TOP6BL: variants seen among roughly 807,000 people sequenced by gnomAD.
TOP6BL encodes type 2 DNA topoisomerase 6 subunit B-like.
chr11:66,753,609 T>C, the TOP6BL span, among the ~76,000 whole-genome samples: 2 of 151,428 alleles, frequency 1.3e-5, no homozygotes, highest in Non-Finnish European at 2.9e-5. Flanking sequence ...GTTTTCACCG[T>C]GTTAGCCAGG....
chr11:66,842,130 G>C, the TOP6BL span, among the ~76,000 whole-genome samples: 1 of 152,094 alleles, frequency 6.6e-6, no homozygotes, highest in Admixed American at 6.5e-5. Flanking sequence ...TTGAGCCCAG[G>C]AGGTCGAGGC....
chr11:66,785,447 A>G, the TOP6BL span, among the ~76,000 whole-genome samples: 1 of 152,074 alleles, frequency 6.6e-6, no homozygotes, highest in African/African-American at 2.4e-5. Flanking sequence ...TATCGTTTTC[A>G]TGGTATTAAT....
the TOP6BL span, among the ~76,000 whole-genome samples, chr11:66,801,982 A>G: frequency 6.6e-6 from 1 of 152,144 alleles, no homozygotes; most frequent in African/African-American, 2.4e-5. Context: ...AAGACCTAAC[A>G]TATGCTTAAG....
the TOP6BL span, among the ~76,000 whole-genome samples, chr11:66,753,812 C>G: frequency 6.6e-6 from 1 of 152,156 alleles, no homozygotes; most frequent in East Asian, 1.9e-4. Flanking sequence ...TCAAGTGATT[C>G]TCCTGCCTCA....
At chr11:66,840,919 A>C in the TOP6BL span, among the ~76,000 whole-genome samples, 21 of 152,066 alleles carry the variant, frequency 1.4e-4, no homozygotes, top group South Asian at 1.5e-3. Context: ...CAAGACTCTC[A>C]AATTGGTATG....
chr11:66,793,352 G>A, the TOP6BL span, among the ~76,000 whole-genome samples: 1 of 150,722 alleles, frequency 6.6e-6, no homozygotes, highest in Non-Finnish European at 1.5e-5. Flanking sequence ...CTCAGCATCC[G>A]AAAGTGCTGG....
chr11:66,800,793 C>T, the TOP6BL span: 1 of 1,172,166 alleles, frequency 8.5e-7, no homozygotes, highest in Non-Finnish European at 1.2e-6. Flanking sequence ...AGTTTGATAT[C>T]TTGACCCAAA....
the TOP6BL span, chr11:66,822,658 G>C: frequency 1.3e-6 from 2 of 1,547,992 alleles, no homozygotes; most frequent in East Asian, 2.4e-5. Flanking sequence ...CGAAAGATGT[G>C]TCTCCAGACC....
the TOP6BL span, chr11:66,761,474 T>G: frequency 2.5e-6 from 1 of 405,746 alleles, no homozygotes; most frequent in East Asian, 5.9e-5. Context: ...CCCATGATAT[T>G]AGGATGATAA....
At chr11:66,838,625 T>C in the TOP6BL span, among the ~76,000 whole-genome samples, 1 of 152,182 alleles carries the variant, frequency 6.6e-6, no homozygotes, top group African/African-American at 2.4e-5. Flanking sequence ...CTCCCCAAGA[T>C]GTTAGGACAG....
At chr11:66,837,049 C>G in the TOP6BL span, among the ~76,000 whole-genome samples, 1 of 151,988 alleles carries the variant, frequency 6.6e-6, no homozygotes, top group Non-Finnish European at 1.5e-5. Flanking sequence ...AGTACCTTAG[C>G]AGGTATGATT....
the TOP6BL span, among the ~76,000 whole-genome samples, chr11:66,768,366 C>T: frequency 6.6e-6 from 1 of 151,864 alleles, no homozygotes; most frequent in African/African-American, 2.4e-5. Context: ...CGCTTTTTCC[C>T]CCGGGAGCTC....
the TOP6BL span, among the ~76,000 whole-genome samples, chr11:66,781,854 C>CT: frequency 2.0e-5 from 3 of 152,066 alleles, no homozygotes; most frequent in Non-Finnish European, 2.9e-5. Flanking sequence ...CTATTAGTTG[C>CT]TTTTTTTCCC....
the TOP6BL span, chr11:66,762,166 A>C: frequency 1.6e-5 from 13 of 811,726 alleles, no homozygotes; most frequent in South Asian, 1.8e-4. Context: ...TCAGGAAATC[A>C]ATCAAAGCTT....
At chr11:66,746,939 GT>G in the TOP6BL span, among the ~76,000 whole-genome samples, 1,097 of 147,420 alleles carry the variant, frequency 7.4e-3, 11 homozygotes, top group African/African-American at 0.024. Context: ...GAATAAATGT[GT>G]TTTTTTTTTT....
chr11:66,803,008 C>G, the TOP6BL span, among the ~76,000 whole-genome samples: 1 of 152,274 alleles, frequency 6.6e-6, no homozygotes, highest in Middle Eastern at 3.4e-3. Context: ...ACTGTTTTCT[C>G]TCTGTTTAGA....
the TOP6BL span, among the ~76,000 whole-genome samples, chr11:66,753,798 A>C: frequency 4.0e-5 from 6 of 148,988 alleles, no homozygotes; most frequent in Non-Finnish European, 8.9e-5. Flanking sequence ...TCCACCTCCC[A>C]GGTTCAAGTG....
At chr11:66,761,635 CG>C in the TOP6BL span, 1 of 1,211,286 alleles carries the variant, frequency 8.3e-7, no homozygotes, top group South Asian at 1.3e-5. Flanking sequence ...CCTGGTGCTC[CG>C]GGGCTGTGCG....
At chr11:66,842,550 G>A in the TOP6BL span, among the ~76,000 whole-genome samples, 1 of 152,202 alleles carries the variant, frequency 6.6e-6, no homozygotes, top group Non-Finnish European at 1.5e-5. Context: ...GAGCTTGTCA[G>A]TGCAGACTCC....
Sources: gnomAD v4.1 joint callset for allele counts (sites outside exome capture counted in the v4.1 genomes callset) on GRCh38, gnomAD v4.1.1 for gene constraint, MANE v1.5 for transcripts, NCBI Gene and HGNC (gene_info 2026-07-23, HGNC 2026-07-21) for gene names.